PPFIBP2: variants seen among roughly 807,000 people sequenced by gnomAD.
PPFIBP2 encodes the protein PPFIB scaffold protein 2.
Under a neutral mutation model 118.3 loss-of-function variants are expected in PPFIBP2, and 118 were observed. The observed-to-expected ratio is 1.00, with a 90% CI of 0.86 to 1.16. PPFIBP2 has a LOEUF of 1.16. Among genes scored for constraint, PPFIBP2 ranks in the 50% most tolerant of loss-of-function variants. The pLI is 0.00. For missense variants in PPFIBP2, 1,195 were observed against 1,073.1 expected (o/e 1.11, Z -1.59); for synonymous variants, 414 against 397.4 (o/e 1.04, Z -0.50).
At chr11:7,621,364 G>T (rs995995906) in intron 7 of PPFIBP2, among the ~76,000 whole-genome samples, 4 of 152,190 alleles carry the variant, frequency 2.6e-5, no homozygotes, top group Non-Finnish European at 5.9e-5. Context: ...TCCTAAAGCA[G>T]ATCTTGGATG....
chr11:7,647,898 A>C (rs923621395), intron 17 of PPFIBP2, among the ~76,000 whole-genome samples: 4 of 152,194 alleles, frequency 2.6e-5, no homozygotes, highest in Non-Finnish European at 5.9e-5. Flanking sequence ...GTTAATAAGT[A>C]ATGTGCTAGC....
Position 7,653,051 on chromosome 11 carries a change from G to A in PPFIBP2, c.2464G>A (p.Gly822Arg), listed in dbSNP as rs565797746. The stretch of plus-strand genomic sequence containing the variant: ...AAGGAAACTAGGATTTTCACACTTC[G>A]GAAACATAAGAAAAAAGAAGTTCGA... ...RPRKLGFSHF[G>R]NIRKKKFDES... Residue 822 changes from glycine (G) to arginine (R), a missense_variant, in exon 24 of 24, where the codon GGA (glycine) becomes AGA (arginine). Coordinates refer to ENST00000299492, the MANE Select transcript of PPFIBP2 (RefSeq NM_003621.5). The A allele has an allele frequency of 7.5e-5, 121 of 1,612,728 alleles. 1 individual carries two copies. In the South Asian group the frequency reaches 1.1e-3, roughly 15 times the overall value.
chr11:7,666,131 AT>A, the PPFIBP2 span: 2 of 608,722 alleles, frequency 3.3e-6, no homozygotes, highest in African/African-American at 3.7e-5. Flanking sequence ...GTCAGTGCCC[AT>A]ATTAGATGTG....
At chr11:7,563,778 T>C (rs1007353164) in intron 2 of PPFIBP2, among the ~76,000 whole-genome samples, 5 of 152,220 alleles carry the variant, frequency 3.3e-5, no homozygotes, top group Admixed American at 6.5e-5. Context: ...CTTCCTTTGT[T>C]AGACTGTTGC....
intron 16 of PPFIBP2, 45 bp downstream of exon 16, chr11:7,641,665 C>T: frequency 1.3e-6 from 2 of 1,594,240 alleles, no homozygotes; most frequent in Non-Finnish European, 1.7e-6. Flanking sequence ...TAGAATTTTT[C>T]TTTTTGATTG....
chr11:7,562,737 G>A (rs576561643), intron 2 of PPFIBP2, among the ~76,000 whole-genome samples: 2 of 151,800 alleles, frequency 1.3e-5, no homozygotes, highest in African/African-American at 4.8e-5. Flanking sequence ...TTTCTGCCCT[G>A]TAACCTTATC....
chr11:7,649,901 G>C (rs1389510207), intron 21 of PPFIBP2, among the ~76,000 whole-genome samples: 1 of 152,166 alleles, frequency 6.6e-6, no homozygotes, highest in East Asian at 1.9e-4. Flanking sequence ...AGTCATCATA[G>C]TGATTAAAGG....
chr11:7,583,245 T>C (rs1389688510), intron 3 of PPFIBP2, among the ~76,000 whole-genome samples: 2 of 152,222 alleles, frequency 1.3e-5, no homozygotes, highest in African/African-American at 4.8e-5. Flanking sequence ...TTTGGAAATC[T>C]TGTAGGATTA....
chr11:7,566,722 GT>G (rs1188391194), intron 3 of PPFIBP2, among the ~76,000 whole-genome samples: 2 of 115,132 alleles, frequency 1.7e-5, no homozygotes, highest in East Asian at 4.4e-4. Flanking sequence ...GAATTTTAAA[GT>G]TTTTTATTTG....
intron 2 of PPFIBP2, among the ~76,000 whole-genome samples, chr11:7,559,728 A>G (rs111329966): frequency 6.6e-6 from 1 of 152,100 alleles, no homozygotes; most frequent in Non-Finnish European, 1.5e-5. Context: ...TTCTTTCTAT[A>G]GGGGTCTCAC....
At chr11:7,665,824 T>G in the PPFIBP2 span, 1 of 1,532,962 alleles carries the variant, frequency 6.5e-7, no homozygotes, top group South Asian at 1.2e-5. Flanking sequence ...CAACGAGGTA[T>G]ACCGAGGTGT....
intron 7 of PPFIBP2, among the ~76,000 whole-genome samples, chr11:7,621,649 C>T (rs970316976): frequency 2.0e-5 from 3 of 152,110 alleles, no homozygotes; most frequent in Non-Finnish European, 2.9e-5. Context: ...ACATTCAGCC[C>T]ATGAATTTTT....
intron 5 of PPFIBP2, among the ~76,000 whole-genome samples, chr11:7,608,530 C>T (rs1037470464): frequency 6.6e-6 from 1 of 152,182 alleles, no homozygotes; most frequent in African/African-American, 2.4e-5. Context: ...ATCCCGGCTA[C>T]TCGGGAGGCT....
chr11:7,659,984 T>C (rs1194493002), downstream of PPFIBP2, among the ~76,000 whole-genome samples: 2 of 125,514 alleles, frequency 1.6e-5, 1 homozygote, highest in South Asian at 5.7e-4. Context: ...CTTGTGATTT[T>C]TGTACATTGA....
At position 7,583,933 on chromosome 11, in the gene PPFIBP2, T is replaced by TCAGAC. The variant is rs1857649224; in HGVS notation, c.280-9199_280-9198insCAGAC. Among the ~76,000 whole-genome samples, 14 of 152,356 alleles carry TCAGAC rather than the reference T, an allele frequency of 9.2e-5. No individual in the cohort carries two copies. In the South Asian group the frequency reaches 2.9e-3, roughly 32 times the overall value. Reference sequence around the variant, plus strand: ...CTCACATTCTCCTAGGGGTATTCCTTTAAAGCCTTCAGACTCAATCATTCA... The same window carrying TCAGAC: ...CTCACATTCTCCTAGGGGTATTCCTTCAGACTAAAGCCTTCAGACTCAATCATTCA... On this transcript the variant is annotated intron_variant, in intron 3 of 23. Coordinates refer to ENST00000299492, the MANE Select transcript of PPFIBP2 (RefSeq NM_003621.5).
intron 6 of PPFIBP2, among the ~76,000 whole-genome samples, chr11:7,615,493 A>G (rs915619375): frequency 6.6e-6 from 1 of 152,218 alleles, no homozygotes; most frequent in Admixed American, 6.5e-5. Flanking sequence ...GGATGAAAAT[A>G]GATGTGTTCC....
At position 7,616,519 on chromosome 11, in the gene PPFIBP2, T is replaced by C. The variant is rs1590618212; in HGVS notation, c.619-4416T>C. 6.6e-6 allele frequency among the ~76,000 whole-genome samples: 1 copy of C among 152,192 alleles called. No individual in the cohort carries two copies. Among genetic ancestry groups the C allele is most frequent in the South Asian group, 2.1e-4 (1 of 4,836 alleles). On this transcript the variant is annotated intron_variant, in intron 6 of 23. Transcript: ENST00000299492. The surrounding 1 kb of genome is among the most constrained non-coding windows in gnomAD (Gnocchi z 5.2). ...GGAATGTGTCGTGTGGTAGACCAGGTAAATCCACATTTCAGTGAAGTGTTG... is the reference window on the plus strand; with the variant it reads ...GGAATGTGTCGTGTGGTAGACCAGGCAAATCCACATTTCAGTGAAGTGTTG...
chr11:7,664,863 G>A, the PPFIBP2 span, among the ~76,000 whole-genome samples: 1 of 146,398 alleles, frequency 6.8e-6, no homozygotes, highest in Non-Finnish European at 1.5e-5. Context: ...ATTTAAGGCA[G>A]TTTCTGGAAC....
At chr11:7,516,242 G>A (rs548430499) in intron 1 of PPFIBP2, among the ~76,000 whole-genome samples, 3 of 152,302 alleles carry the variant, frequency 2.0e-5, no homozygotes, top group South Asian at 2.1e-4. Flanking sequence ...CGGCGAGGCC[G>A]GATAGGAAAC....
Sources: gnomAD v4.1 joint callset for allele counts (sites outside exome capture counted in the v4.1 genomes callset) on GRCh38, gnomAD v4.1.1 for gene constraint, Gnocchi (gnomAD v3.1) non-coding constraint, MANE v1.5 for transcripts, NCBI Gene and HGNC (gene_info 2026-07-23, HGNC 2026-07-21) for gene names.